FHIP1A: variants seen among roughly 807,000 people sequenced by gnomAD.
FHIP1A encodes FHF complex subunit HOOK interacting protein 1A.
In FHIP1A, 61 loss-of-function variants were observed where a neutral mutation model predicts 88.6. The ratio of observed to expected loss-of-function variants is 0.69; its 90% CI spans 0.56 to 0.85. FHIP1A has a LOEUF of 0.85. FHIP1A is among the 40% of genes least tolerant of loss of function. The pLI is 0.00. For missense variants in FHIP1A, 1,154 were observed against 1,273.5 expected (o/e 0.91, Z 1.43); for synonymous variants, 478 against 496.0 (o/e 0.96, Z 0.48).
intron 4 of FHIP1A, among the ~76,000 whole-genome samples, chr4:151,573,115 T>C (rs548955930): frequency 6.6e-6 from 1 of 152,344 alleles, no homozygotes; most frequent in African/African-American, 2.4e-5. Context: ...CATTTTTAAG[T>C]CAAATGGCTT....
At chr4:151,438,489 G>A (rs57740266) in intron 1 of FHIP1A, among the ~76,000 whole-genome samples, 5 of 151,486 alleles carry the variant, frequency 3.3e-5, no homozygotes, top group African/African-American at 9.7e-5. Flanking sequence ...AAAACCAAAA[G>A]TATGGGATTT....
rs181310618 is a variant in FHIP1A, at chr4:151,526,638, C to T, written c.-122-39500C>T. Among the ~76,000 whole-genome samples the T allele has an allele frequency of 9.4e-3, 1,354 of 144,230 alleles. 18 individuals carry two copies. Among genetic ancestry groups the T allele is most frequent in the African/African-American group, 0.032 (1,244 of 38,940 alleles). The allele number at this position is 144,230 out of a possible 152,430, so 94.6% of individuals were successfully genotyped here. On this transcript the variant is annotated intron_variant, in intron 3 of 13. Transcript: ENST00000435205. ...CTGATCCCCCCACCTCCCTCCCGGA[C>T]GGGGCGGCTGGCCGGGCGGGGGGCT...
intron 1 of FHIP1A, among the ~76,000 whole-genome samples, chr4:151,432,830 G>A (rs1456908417): frequency 6.6e-6 from 1 of 152,126 alleles, no homozygotes; most frequent in Non-Finnish European, 1.5e-5. Context: ...TTGATAAGAT[G>A]TGATGATTAC....
intron 7 of FHIP1A, among the ~76,000 whole-genome samples, chr4:151,625,048 T>G (rs775896898): frequency 2.6e-5 from 4 of 152,028 alleles, no homozygotes; most frequent in African/African-American, 9.7e-5. Context: ...TGCAGGTGGG[T>G]GGATGTGCCT....
intron 13 of FHIP1A, among the ~76,000 whole-genome samples, chr4:151,659,369 T>G (rs147403473): frequency 3.3e-5 from 5 of 152,330 alleles, no homozygotes; most frequent in African/African-American, 1.2e-4. Context: ...GTGACATGAT[T>G]TCCTGTAAAT....
chr4:151,631,039 A>G (rs1018445916), intron 8 of FHIP1A, among the ~76,000 whole-genome samples: 4 of 152,176 alleles, frequency 2.6e-5, no homozygotes, highest in Admixed American at 2.0e-4. Context: ...GTGAACACAT[A>G]TGTTAAAAAA....
intron 9 of FHIP1A, among the ~76,000 whole-genome samples, chr4:151,640,164 A>C (rs987296021): frequency 2.0e-5 from 3 of 152,156 alleles, no homozygotes; most frequent in African/African-American, 7.2e-5. Context: ...ATTCCGGGGG[A>C]TTCTGATGCA....
chr4:151,439,681 T>C (rs1728335644), intron 1 of FHIP1A, among the ~76,000 whole-genome samples: 1 of 152,204 alleles, frequency 6.6e-6, no homozygotes, highest in South Asian at 2.1e-4. Context: ...ACAACAATTC[T>C]GTGACTCTTT....
chr4:151,446,583 T>G (rs1728614819), intron 1 of FHIP1A, among the ~76,000 whole-genome samples: 1 of 31,802 alleles, frequency 3.1e-5, no homozygotes, highest in Non-Finnish European at 7.5e-5. Flanking sequence ...TTCTTTTTCT[T>G]TTTTTTTTTT....
intron 7 of FHIP1A, among the ~76,000 whole-genome samples, chr4:151,592,196 G>A (rs1734461233): frequency 6.6e-6 from 1 of 151,910 alleles, no homozygotes; most frequent in Non-Finnish European, 1.5e-5. Flanking sequence ...ATGCAGTGGT[G>A]CGATCTCAGC....
chr4:151,588,172 G>A (rs1238860267), intron 6 of FHIP1A, among the ~76,000 whole-genome samples: 1 of 151,822 alleles, frequency 6.6e-6, no homozygotes, highest in Non-Finnish European at 1.5e-5. Flanking sequence ...TACTGAAAAG[G>A]TTATTTATGA....
intron 1 of FHIP1A, among the ~76,000 whole-genome samples, chr4:151,449,610 A>T (rs1728724294): frequency 6.6e-6 from 1 of 152,120 alleles, no homozygotes; most frequent in East Asian, 1.9e-4. Flanking sequence ...CCCACTGTGC[A>T]ATAGAACACA....
intron 3 of FHIP1A, among the ~76,000 whole-genome samples, chr4:151,549,579 G>T (rs892848027): frequency 6.6e-6 from 1 of 151,696 alleles, no homozygotes; most frequent in Non-Finnish European, 1.5e-5. Flanking sequence ...GCCTTTCCCA[G>T]GAAACTCATG....
At chr4:151,563,533 AAGG>A (rs1733255411) in intron 3 of FHIP1A, among the ~76,000 whole-genome samples, 1 of 152,182 alleles carries the variant, frequency 6.6e-6, no homozygotes, top group Admixed American at 6.5e-5. Flanking sequence ...GAGGGAAAGA[AAGG>A]AGAAACGTCT....
intron 3 of FHIP1A, among the ~76,000 whole-genome samples, chr4:151,560,512 C>G (rs1733132501): frequency 6.6e-6 from 1 of 152,162 alleles, no homozygotes; most frequent in Admixed American, 6.5e-5. Flanking sequence ...CAAGTCTCGC[C>G]TTTCAAGTTC....
At chr4:151,474,414 A>C (rs1214553108) in intron 2 of FHIP1A, among the ~76,000 whole-genome samples, 1 of 152,228 alleles carries the variant, frequency 6.6e-6, no homozygotes, top group East Asian at 1.9e-4. Context: ...AAATTATAAA[A>C]AAAATAAAGA....
At chr4:151,441,847 A>G (rs1055537226) in intron 1 of FHIP1A, among the ~76,000 whole-genome samples, 34 of 152,176 alleles carry the variant, frequency 2.2e-4, no homozygotes, top group Admixed American at 7.2e-4. Context: ...CAAAAGAGAA[A>G]TTTTATGTGG....
At chr4:151,526,983 GCTC>G (rs1731689621) in intron 3 of FHIP1A, among the ~76,000 whole-genome samples, 1 of 150,458 alleles carries the variant, frequency 6.6e-6, no homozygotes, top group African/African-American at 2.5e-5. Context: ...GGGAAGAGGT[GCTC>G]CTCACTTCCT....
At chr4:151,643,830 CTTGAT>C (rs889221787) in intron 9 of FHIP1A, among the ~76,000 whole-genome samples, 34 of 152,276 alleles carry the variant, frequency 2.2e-4, no homozygotes, top group African/African-American at 6.3e-4. Flanking sequence ...GGGGATCTCC[CTTGAT>C]TTGATTTATT....
Sources: gnomAD v4.1 joint callset for allele counts (sites outside exome capture counted in the v4.1 genomes callset) on GRCh38, gnomAD v4.1.1 for gene constraint, MANE v1.5 for transcripts, NCBI Gene and HGNC (gene_info 2026-07-23, HGNC 2026-07-21) for gene names.